P2RX7: variants seen among roughly 807,000 people sequenced by gnomAD.
The protein encoded by P2RX7 is P2X purinoceptor 7.
Under a neutral mutation model 71.6 loss-of-function variants are expected in P2RX7, and 62 were observed. That is an observed-to-expected ratio of 0.87 (90% CI 0.71 to 1.07). P2RX7 has a LOEUF of 1.07. P2RX7 is among the 50% of genes least tolerant of loss of function. The pLI, the probability that P2RX7 is intolerant of heterozygous loss-of-function variation, is 0.00. For missense variants in P2RX7, 686 were observed against 748.5 expected (o/e 0.92, Z 0.97); for synonymous variants, 299 against 283.3 (o/e 1.06, Z -0.56).
At chr12:121,167,666 C>A in intron 8 of P2RX7, 42 bp downstream of exon 8, 1 of 1,480,014 alleles carries the variant, frequency 6.8e-7, no homozygotes, top group Non-Finnish European at 9.0e-7. Context: ...GTGGCTGAAT[C>A]GCATTCCCAG....
rs1295011475 is a variant in P2RX7 at position 121,177,185 on chromosome 12, C to G, written c.1011C>G (p.Ile337Met). Reference protein sequence around the residue: ...KFDIIQLVVYIGSTLSYFGLA... With the variant: ...KFDIIQLVVYMGSTLSYFGLA... The stretch of plus-strand genomic sequence containing the variant: ...ACATTATCCAGCTGGTTGTGTACAT[C>G]GGCTCAACCCTCTCCTACTTCGGTC... The change falls in exon 10 of 13, where the codon ATC becomes ATG. Residue 337 changes from isoleucine (I) to methionine (M), a missense_variant. Ile to Met is a conservative substitution (Grantham distance 10). Transcript: ENST00000328963. 1 of 1,614,148 alleles carries G rather than the reference C, an allele frequency of 6.2e-7. No individual in the cohort carries two copies. The highest frequency in any genetic ancestry group is 1.1e-5 in the South Asian group (1 of 91,080).
intron 1 of P2RX7, among the ~76,000 whole-genome samples, chr12:121,152,119 ACAG>A (rs1877555439): frequency 6.6e-6 from 1 of 152,040 alleles, no homozygotes; most frequent in Non-Finnish European, 1.5e-5. Flanking sequence ...AGTTGGGATT[ACAG>A]GCGCACACCA....
Position 121,180,434 on chromosome 12 carries a change from T to C in P2RX7, c.1269T>C (p.Asp423=). Reference sequence around the variant, plus strand: ...AGCTACTAGGGAGAAGTCTGCAAGATGTCAAGGGCCAAGAAGTCCCAGTAA... The same window carrying C: ...AGCTACTAGGGAGAAGTCTGCAAGACGTCAAGGGCCAAGAAGTCCCAGTAA... ...NQQLLGRSLQ[D]VKGQEVPRPA... The change falls in exon 12 of 13, where the codon GAT becomes GAC. Residue 423 remains aspartate (D), a synonymous_variant. Transcript: ENST00000328963. 1 of 1,594,254 alleles carries C rather than the reference T, an allele frequency of 6.3e-7. No individual in the cohort carries two copies. The highest frequency in any genetic ancestry group is 8.6e-7 in the Non-Finnish European group (1 of 1,169,498).
chr12:121,155,628 T>C (rs749454290), intron 2 of P2RX7, among the ~76,000 whole-genome samples: 27 of 152,130 alleles, frequency 1.8e-4, no homozygotes, highest in Non-Finnish European at 2.6e-4. Context: ...TGTTTGTTTC[T>C]AACAGTGGGT....
chr12:121,137,162 G>A (rs1353641236), intron 1 of P2RX7, among the ~76,000 whole-genome samples: 1 of 152,214 alleles, frequency 6.6e-6, no homozygotes, highest in Non-Finnish European at 1.5e-5. Context: ...GGGTTCGCTG[G>A]AGTAGGTGTG....
chr12:121,171,578 A>G (rs1296136449), intron 8 of P2RX7, among the ~76,000 whole-genome samples: 1 of 151,844 alleles, frequency 6.6e-6, no homozygotes, highest in Non-Finnish European at 1.5e-5. Context: ...ATCTGCAAAC[A>G]CTGTATTTCC....
In P2RX7 at chr12:121,184,961, T is replaced by C; in HGVS notation, c.*159T>C. The C allele has an allele frequency of 1.7e-6, 1 of 602,254 alleles. No homozygotes were observed. Among genetic ancestry groups the C allele is most frequent in the Non-Finnish European group, 2.9e-6 (1 of 345,818 alleles). The allele number at this position is 602,254 out of a possible 1,614,324, so 37.3% of individuals were successfully genotyped here. On this transcript the variant is annotated 3_prime_UTR_variant, in exon 13 of 13. Transcript: ENST00000328963. The stretch of plus-strand genomic sequence containing the variant: ...TCAGCCAGACATGGTGGCATGCACC[T>C]GCAATCCCAGCTACTCGGGAGGCTG...
chr12:121,182,384 G>T (rs7312642), intron 12 of P2RX7, among the ~76,000 whole-genome samples: 18,655 of 152,120 alleles, frequency 0.12, 1,449 homozygotes, highest in Admixed American at 0.22. Context: ...TCTGAAAAAC[G>T]CATCAGTAGC....
intron 12 of P2RX7, 54 bp downstream of exon 12, chr12:121,180,509 T>A: frequency 1.2e-6 from 1 of 848,804 alleles, no homozygotes; most frequent in East Asian, 2.7e-5. Context: ...TACTGTTAAA[T>A]ATAAACACAT....
chr12:121,184,315 T>C lies in P2RX7; in HGVS notation c.1301T>C (p.Met434Thr), dbSNP rs763595414. ...AACTTGCTTTTTCAGAGACCTGCGA[T>C]GGACTTCACAGATTTGTCCAGGCTG... ...VKGQEVPRPA[M>T]DFTDLSRLPL... Residue 434 changes from methionine (M) to threonine (T), a missense_variant, in exon 13 of 13, where the codon ATG becomes ACG. Transcript: ENST00000328963. The C allele has an allele frequency of 1.9e-6, 3 of 1,602,804 alleles. No homozygotes were observed. Among genetic ancestry groups the C allele is most frequent in the East Asian group, 2.2e-5 (1 of 44,678 alleles).
intron 8 of P2RX7, among the ~76,000 whole-genome samples, chr12:121,171,010 G>T (rs1209773405): frequency 6.6e-6 from 1 of 152,110 alleles, no homozygotes; most frequent in Admixed American, 6.6e-5. Flanking sequence ...TTCCGCTTAT[G>T]CACGACCTGT....
At chr12:121,171,901 C>T (rs1423806140) in intron 8 of P2RX7, among the ~76,000 whole-genome samples, 1 of 145,980 alleles carries the variant, frequency 6.9e-6, no homozygotes, top group Non-Finnish European at 1.5e-5. Flanking sequence ...TTGCTCTGTC[C>T]CCCAGGCTGG....
intron 11 of P2RX7, among the ~76,000 whole-genome samples, chr12:121,178,343 TA>T (rs1210407550): frequency 6.6e-6 from 1 of 152,090 alleles, no homozygotes; most frequent in East Asian, 1.9e-4. Context: ...GGCACCAGCT[TA>T]AAAAAATGAG....
intron 1 of P2RX7, among the ~76,000 whole-genome samples, chr12:121,134,355 G>A (rs147694524): frequency 3.3e-5 from 5 of 152,174 alleles, no homozygotes; most frequent in East Asian, 3.9e-4. Flanking sequence ...CCTCACCAAC[G>A]CTTGTTATCG....
rs1277886714 is a variant in P2RX7 at position 121,156,151 on chromosome 12, A to G, written c.363+4A>G. 1 of 1,613,552 alleles carries G rather than the reference A, an allele frequency of 6.2e-7. No homozygotes were observed. Among genetic ancestry groups the G allele is most frequent in the Admixed American group, 1.7e-5 (1 of 59,994 alleles). On this transcript the variant is annotated splice_donor_region_variant and intron_variant, in intron 3 of 12. Transcript: ENST00000328963. ...AGAGCAGCGGTTGTGTCCCGAGGTA[A>G]GGAGGGGACCTGGAGTGGTGGGTCA...
At chr12:121,135,106 C>T (rs149332019) in intron 1 of P2RX7, among the ~76,000 whole-genome samples, 5,773 of 151,918 alleles carry the variant, frequency 0.038, 360 homozygotes, top group African/African-American at 0.13. Context: ...TTTGGGAGGC[C>T]AAGGCGGGTG....
At chr12:121,183,855 G>A (rs1177420663) in intron 12 of P2RX7, among the ~76,000 whole-genome samples, 1 of 152,118 alleles carries the variant, frequency 6.6e-6, no homozygotes, top group Non-Finnish European at 1.5e-5. Context: ...CTGAGGTCAG[G>A]AGTTCCAAAC....
intron 1 of P2RX7, among the ~76,000 whole-genome samples, chr12:121,153,003 G>A (rs925195633): frequency 3.3e-5 from 5 of 152,196 alleles, no homozygotes; most frequent in Non-Finnish European, 7.3e-5. Flanking sequence ...CTGGGCCATG[G>A]GGAATGCTCT....
At chr12:121,171,923 G>A (rs541562333) in intron 8 of P2RX7, among the ~76,000 whole-genome samples, 6 of 148,918 alleles carry the variant, frequency 4.0e-5, no homozygotes, top group Non-Finnish European at 7.4e-5. Context: ...GTGCAGTGGC[G>A]TGATCTCGGC....
Sources: gnomAD v4.1 joint callset for allele counts (sites outside exome capture counted in the v4.1 genomes callset) on GRCh38, gnomAD v4.1.1 for gene constraint, MANE v1.5 for transcripts, NCBI Gene and HGNC (gene_info 2026-07-23, HGNC 2026-07-21) for gene names.